RERE: variants seen among roughly 807,000 people sequenced by gnomAD.
RERE encodes arginine-glutamic acid dipeptide repeats protein.
A neutral mutation model predicts 146.1 loss-of-function variants in RERE; 40 were observed. The ratio of observed to expected loss-of-function variants is 0.27; its 90% confidence interval spans 0.21 to 0.36. The LOEUF (loss-of-function observed/expected upper bound fraction) is 0.36. Ranked by LOEUF, RERE falls within the 10% of genes least tolerant of loss-of-function variation. RERE has a pLI of 1.00. For missense variants in RERE, 1,933 were observed against 2,138.7 expected (o/e 0.90, Z 1.90); for synonymous variants, 1,003 against 866.0 (o/e 1.16, Z -2.78).
At chr1:8,375,510 A>T (rs1231792913) in intron 12 of RERE, among the ~76,000 whole-genome samples, 3 of 152,098 alleles carry the variant, frequency 2.0e-5, no homozygotes. Flanking sequence ...GCCACTGAAA[A>T]TGCTTCCTCA....
At chr1:8,422,524 T>TAAGCATAATC (rs1557624298) in intron 12 of RERE, among the ~76,000 whole-genome samples, 2 of 152,252 alleles carry the variant, frequency 1.3e-5, no homozygotes, top group African/African-American at 4.8e-5. Flanking sequence ...TCCAGGCGGA[T>TAAGCATAATC]AAGCATAATC....
chr1:8,504,981 G>A (rs1440969850), intron 8 of RERE, among the ~76,000 whole-genome samples: 1 of 152,212 alleles, frequency 6.6e-6, no homozygotes, highest in Non-Finnish European at 1.5e-5. Flanking sequence ...AAACTAGAAT[G>A]AGGCCGAACC....
At chr1:8,478,806 C>T (rs1351155870) in intron 10 of RERE, among the ~76,000 whole-genome samples, 1 of 152,178 alleles carries the variant, frequency 6.6e-6, no homozygotes, top group Non-Finnish European at 1.5e-5. Flanking sequence ...CAACACCTTC[C>T]CTACTCTATC....
chr1:8,789,213 TG>T (rs1438306877), intron 1 of RERE, among the ~76,000 whole-genome samples: 1 of 142,004 alleles, frequency 7.0e-6, no homozygotes, highest in Non-Finnish European at 1.5e-5. Context: ...GGGAAGCCGA[TG>T]GGGGAGGGTT....
chr1:8,765,837 G>T (rs1245276174), intron 1 of RERE, among the ~76,000 whole-genome samples: 1 of 152,116 alleles, frequency 6.6e-6, no homozygotes, highest in Non-Finnish European at 1.5e-5. Context: ...CTGCAATCCC[G>T]GCTACCCGGG....
intron 1 of RERE, among the ~76,000 whole-genome samples, chr1:8,762,963 A>C (rs1007093095): frequency 6.6e-6 from 1 of 152,186 alleles, no homozygotes; most frequent in Non-Finnish European, 1.5e-5. Flanking sequence ...AAAAATTATC[A>C]CAGTCCCTCA....
chr1:8,400,466 G>T (rs1408840614), intron 12 of RERE, among the ~76,000 whole-genome samples: 1 of 151,906 alleles, frequency 6.6e-6, no homozygotes, highest in African/African-American at 2.4e-5. Flanking sequence ...TACCCAGGTT[G>T]GTCTTGAAAT....
rs1644008844 is a variant in RERE at position 8,426,142 on chromosome 1, T to C, written c.1204-3335A>G. Among the ~76,000 whole-genome samples, 5 of 152,106 alleles carry C rather than the reference T, an allele frequency of 3.3e-5. No homozygotes were observed. The South Asian group carries it at 1.0e-3, about 32-fold the overall frequency. Reference sequence around the variant, plus strand: ...TCGGGTCCAATGTCAAATCATAAAGTCCTCAGTATTCTTCCTAAGAAGTGT... The same window carrying C: ...TCGGGTCCAATGTCAAATCATAAAGCCCTCAGTATTCTTCCTAAGAAGTGT... On this transcript the variant is annotated intron_variant, in intron 11 of 22. Coordinates refer to ENST00000400908, the MANE Select transcript of RERE (RefSeq NM_001042681.2).
At chr1:8,667,907 G>A (rs1384468057) in intron 1 of RERE, among the ~76,000 whole-genome samples, 4 of 152,130 alleles carry the variant, frequency 2.6e-5, no homozygotes, top group Non-Finnish European at 5.9e-5. Flanking sequence ...TTTTGTTGTG[G>A]GGGGCTATCC....
chr1:8,712,208 T>C (rs1639681722), intron 1 of RERE, among the ~76,000 whole-genome samples: 1 of 152,220 alleles, frequency 6.6e-6, no homozygotes, highest in African/African-American at 2.4e-5. Flanking sequence ...TGGTTTCTTG[T>C]GTTTTCTTCT....
chr1:8,698,853 A>C (rs1474097326), intron 1 of RERE, among the ~76,000 whole-genome samples: 3 of 151,964 alleles, frequency 2.0e-5, no homozygotes, highest in Non-Finnish European at 4.4e-5. Context: ...TCCCATACTT[A>C]CCCATTATAT....
intron 4 of RERE, among the ~76,000 whole-genome samples, chr1:8,560,266 C>T (rs1047360857): frequency 3.3e-5 from 5 of 152,110 alleles, no homozygotes; most frequent in Admixed American, 6.5e-5. Flanking sequence ...CTTATGACAT[C>T]CCCGGCTTCT....
intron 8 of RERE, among the ~76,000 whole-genome samples, chr1:8,500,476 T>C (rs1376166379): frequency 6.6e-6 from 1 of 152,182 alleles, no homozygotes; most frequent in African/African-American, 2.4e-5. Flanking sequence ...CCTCCCGAGG[T>C]GCTGGGATTG....
chr1:8,465,461 AG>A (rs1644582978), intron 11 of RERE: 1 of 324,326 alleles, frequency 3.1e-6, no homozygotes, highest in African/African-American at 2.2e-5. Flanking sequence ...CTGGGGCAAG[AG>A]GACTGATGGA....
At chr1:8,627,431 A>C (rs1255649749) in intron 2 of RERE, among the ~76,000 whole-genome samples, 1 of 152,048 alleles carries the variant, frequency 6.6e-6, no homozygotes, top group Non-Finnish European at 1.5e-5. Flanking sequence ...GTGAAACCCC[A>C]ACTACACTAA....
In RERE at chr1:8,455,219, G is replaced by A. The variant is rs191502579; in HGVS notation, c.1203+10706C>T. Among the ~76,000 whole-genome samples the A allele has an allele frequency of 1.9e-3, 292 of 152,154 alleles. 1 individual carries two copies. Among genetic ancestry groups the A allele is most frequent in the South Asian group, 7.5e-3 (36 of 4,804 alleles). On this transcript the variant is annotated intron_variant, in intron 11 of 22. Coordinates refer to ENST00000400908, the MANE Select transcript of RERE (RefSeq NM_001042681.2). The stretch of plus-strand genomic sequence containing the variant: ...AATAACAATCTTCCTGGTGTTCTTA[G>A]CAGCATGATTCCTTTTTTTATTATT...
chr1:8,744,243 G>T (rs115101845), intron 1 of RERE, among the ~76,000 whole-genome samples: 1,601 of 152,228 alleles, frequency 0.011, 25 homozygotes, highest in African/African-American at 0.037. Flanking sequence ...GCTCACGTAC[G>T]TTTTAACAAA....
At chr1:8,637,435 C>G (rs1455996598) in intron 2 of RERE, among the ~76,000 whole-genome samples, 1 of 152,200 alleles carries the variant, frequency 6.6e-6, no homozygotes, top group Non-Finnish European at 1.5e-5. Flanking sequence ...GAATACATGA[C>G]TGTTCTTCCA....
At chr1:8,572,431 T>C (rs545769691) in intron 4 of RERE, among the ~76,000 whole-genome samples, 2 of 152,188 alleles carry the variant, frequency 1.3e-5, no homozygotes, top group Non-Finnish European at 2.9e-5. Context: ...TAGAGAATAC[T>C]ACAGACAGGA....
Sources: gnomAD v4.1 joint callset for allele counts (sites outside exome capture counted in the v4.1 genomes callset) on GRCh38, gnomAD v4.1.1 for gene constraint, MANE v1.5 for transcripts, NCBI Gene and HGNC (gene_info 2026-07-23, HGNC 2026-07-21) for gene names.